The following FBF1 variants were observed in gnomAD, a reference collection of about 807,000 sequenced individuals.
FBF1 encodes the protein fas-binding factor 1.
FBF1 carries 119 observed loss-of-function variants against 147.2 expected under a neutral mutation model. The observed-to-expected ratio is 0.81, with a 90% CI of 0.70 to 0.94. The LOEUF (loss-of-function observed/expected upper bound fraction) is 0.94, where lower values mean the gene tolerates loss of function less well. FBF1 is among the 40% of genes least tolerant of loss of function. The pLI, the probability that FBF1 is intolerant of heterozygous loss-of-function variation, is 0.00. For missense variants in FBF1, 1,449 were observed against 1,500.8 expected, an observed-to-expected ratio of 0.97 and a Z score of 0.57; for synonymous variants, 601 against 609.0, an observed-to-expected ratio of 0.99 and a Z score of 0.19.
At chr17:75,929,943 T>C (rs2144186306) in intron 7 of FBF1, 54 bp downstream of exon 7, 1 of 701,286 alleles carries the variant, frequency 1.4e-6, no homozygotes, top group East Asian at 2.7e-5. Context: ...CAAAATATCA[T>C]GACCCCACCC....
chr17:75,917,170 G>T (rs550291142), intron 23 of FBF1, among the ~76,000 whole-genome samples: 1 of 152,128 alleles, frequency 6.6e-6, no homozygotes, highest in East Asian at 1.9e-4. Context: ...TTATGGTCTC[G>T]CTAGGCTGGT....
intron 1 of FBF1, among the ~76,000 whole-genome samples, chr17:75,940,274 G>C (rs540430797): frequency 6.7e-6 from 1 of 148,924 alleles, no homozygotes; most frequent in Non-Finnish European, 1.5e-5. Flanking sequence ...ACAGGGTCTC[G>C]CTCTGTTGCC....
At position 75,926,012 on chromosome 17, in the gene FBF1, C is replaced by T. The variant is rs183332525; in HGVS notation, c.868+18G>A. 3.7e-4 allele frequency: 581 copies of T among 1,591,310 alleles called. 1 individual carries two copies. The East Asian group carries it at 0.01, about 28-fold the overall frequency. On this transcript the variant is annotated intron_variant, in intron 12 of 29. Transcript: ENST00000636174. ...GGCCTCCCTCCCGTCCTGTTGCGGC[C>T]CCCGCAAGCCTCCTTACCCTGTGGC...
rs1283929341 is a variant in FBF1, at chr17:75,926,887, G to A, written c.476-10C>T. ...AATGGGTCTTCCAAGTCTCACAGCA[G>A]AAGGGAAAGCACAGGTCAGACTGCA... is the stretch of plus-strand genomic sequence containing the variant. On this transcript the variant is annotated splice_polypyrimidine_tract_variant and intron_variant, in intron 9 of 29. Transcript: ENST00000636174. 1.9e-6 allele frequency: 3 copies of A among 1,607,294 alleles called. No individual in the cohort carries two copies. The highest frequency in any genetic ancestry group is 2.5e-6 in the Non-Finnish European group (3 of 1,176,722).
chr17:75,930,140 G>A (rs2065585793), intron 6 of FBF1, 93 bp from the exon 7 acceptor site: 1 of 972,486 alleles, frequency 1.0e-6, no homozygotes, highest in Non-Finnish European at 1.6e-6. Context: ...CTTCTGTTAG[G>A]GCAGACGGCG....
intron 25 of FBF1, 180 bp from the exon 26 acceptor site, chr17:75,914,478 G>T: frequency 1.0e-6 from 1 of 992,146 alleles, no homozygotes; most frequent in Non-Finnish European, 1.4e-6. Flanking sequence ...CAAGCCACGT[G>T]ACTGTGGCAG....
chr17:75,913,889 C>T (rs944498850), intron 27 of FBF1, 24 bp downstream of exon 27: 1 of 1,550,034 alleles, frequency 6.5e-7, no homozygotes, highest in Non-Finnish European at 8.7e-7. Flanking sequence ...GGGGCAGGGG[C>T]GCCATACACT....
At chr17:75,938,054 G>A (rs1446046430) in intron 2 of FBF1, 93 bp downstream of exon 2, 2 of 1,564,692 alleles carry the variant, frequency 1.3e-6, no homozygotes, top group Non-Finnish European at 8.7e-7. Flanking sequence ...TTGCCGCCCA[G>A]CCCCCAGAGT....
chr17:75,932,930 G>T, intron 5 of FBF1, 65 bp downstream of exon 5: 2 of 1,092,350 alleles, frequency 1.8e-6, no homozygotes, highest in Non-Finnish European at 1.3e-6. Context: ...AAAGTGGGGG[G>T]TGGAGGGGCA....
chr17:75,925,947 T>G lies in FBF1; in HGVS notation c.868+83A>C. The G allele has an allele frequency of 2.0e-6, 3 of 1,480,170 alleles. No individual in the cohort carries two copies. The highest frequency in any genetic ancestry group is 2.7e-6 in the Non-Finnish European group (3 of 1,112,616). 91.7% of individuals were successfully genotyped at this position (1,480,170 alleles called of 1,614,324 possible). A position where few individuals can be genotyped will look rare whatever the true frequency, so the allele number is the denominator to read the frequency against. On this transcript the variant is annotated intron_variant, in intron 12 of 29. Transcript: ENST00000636174. The surrounding 1 kb of genome is among the most constrained non-coding windows in gnomAD (Gnocchi z 5.0). ...ACATGTGTGTATCAGGATGTGAGGC[T>G]GATTTCTCATTATAGGTTGTGATGA...
At position 75,919,561 on chromosome 17, in the gene FBF1, C is replaced by A; in HGVS notation, c.2138+107G>T. 2.3e-6 allele frequency: 3 copies of A among 1,293,692 alleles called. No individual in the cohort carries two copies. The highest frequency in any genetic ancestry group is 1.5e-5 in the African/African-American group (1 of 68,686). 80.1% of individuals were successfully genotyped at this position (1,293,692 alleles called of 1,614,324 possible). On this transcript the variant is annotated intron_variant, in intron 20 of 29. Coordinates refer to ENST00000636174, the MANE Select transcript of FBF1 (RefSeq NM_001319193.2). The surrounding 1 kb of genome is among the most constrained non-coding windows in gnomAD (Gnocchi z 5.0). The stretch of plus-strand genomic sequence containing the variant: ...ACTGGACTGGGAGGGAAGGACCCAA[C>A]CCCTGTCCAAAGGCTGCTGAGCCAC...
intron 7 of FBF1, 33 bp downstream of exon 7, chr17:75,929,964 C>CCCCACAA: frequency 7.1e-7 from 1 of 1,402,202 alleles, no homozygotes; most frequent in Non-Finnish European, 9.9e-7. Flanking sequence ...CACCCACCCC[C>CCCCACAA]AGTTCTAAGA....
chr17:75,909,593 T>C lies in FBF1; in HGVS notation c.*1130A>G. On this transcript the variant is annotated 3_prime_UTR_variant, in exon 30 of 30. Coordinates refer to ENST00000636174, the MANE Select transcript of FBF1 (RefSeq NM_001319193.2). ...ACTCACTGTCATTTCAGGCAGGTTA[T>C]TTAATCTCCCCGGGCCTCAGTTTCT... The C allele has an allele frequency of 2.1e-6, 1 of 480,808 alleles. No homozygotes were observed. Among genetic ancestry groups the C allele is most frequent in the Non-Finnish European group, 3.7e-6 (1 of 271,168 alleles). The allele number at this position is 480,808 out of a possible 1,614,324, so 29.8% of individuals were successfully genotyped here.
At position 75,931,307 on chromosome 17, in the gene FBF1, C is replaced by A; in HGVS notation, c.168-18G>T. The A allele has an allele frequency of 6.4e-7, 1 of 1,573,638 alleles. No individual in the cohort carries two copies. Among genetic ancestry groups the A allele is most frequent in the Admixed American group, 1.9e-5 (1 of 53,796 alleles). The stretch of plus-strand genomic sequence containing the variant: ...GGAGGGACCTGCAAAGGGGAGGCGT[C>A]AGCCCCTACCTGCATCCCAGGGCAC... On this transcript the variant is annotated intron_variant, in intron 5 of 29. Coordinates refer to ENST00000636174, the MANE Select transcript of FBF1 (RefSeq NM_001319193.2).
chr17:75,931,272 T>C lies in FBF1; in HGVS notation c.185A>G (p.Asp62Gly). 6.3e-7 allele frequency: 1 copy of C among 1,584,342 alleles called. No homozygotes were observed. Among genetic ancestry groups the C allele is most frequent in the Non-Finnish European group, 8.6e-7 (1 of 1,165,420 alleles). ...KARTKSLLGD[D>G]VFSTMAGLEE... The stretch of plus-strand genomic sequence containing the variant: ...CAGGCCTGCCATGGTGCTGAAGACA[T>C]CATCACCCAGGAGGGACCTGCAAAG... The change falls in exon 6 of 30, where the codon GAT (aspartate) becomes GGT (glycine). Residue 62 changes from aspartate to glycine, a missense_variant. Physicochemically the swap from Asp to Gly is moderately conservative, Grantham distance 94. Transcript: ENST00000636174.
intron 6 of FBF1, 56 bp downstream of exon 6, chr17:75,931,173 C>T: frequency 1.2e-5 from 18 of 1,536,162 alleles, no homozygotes; most frequent in Non-Finnish European, 1.6e-5. Flanking sequence ...GCCACAACAC[C>T]CATCTCAGTG....
In FBF1 at chr17:75,919,616, T is replaced by G. The variant is rs1327808933; in HGVS notation, c.2138+52A>C. On this transcript the variant is annotated intron_variant, in intron 20 of 29. Coordinates refer to ENST00000636174, the MANE Select transcript of FBF1 (RefSeq NM_001319193.2). The surrounding 1 kb of genome is among the most constrained non-coding windows in gnomAD (Gnocchi z 5.0). Reference sequence around the variant, plus strand: ...AAGGGTCTCGTGGGGATGGCTCTCTTCCGGCTACTCCTTGCAAGCCTGCTC... The same window carrying G: ...AAGGGTCTCGTGGGGATGGCTCTCTGCCGGCTACTCCTTGCAAGCCTGCTC... The G allele has an allele frequency of 9.7e-6, 15 of 1,541,692 alleles. No homozygotes were observed. Among genetic ancestry groups the G allele is most frequent in the Non-Finnish European group, 2.6e-6 (3 of 1,144,786 alleles).
rs56272719 is a variant in FBF1 at position 75,939,295 on chromosome 17, CA to C, written c.-83-1064del. 5.6e-3 allele frequency among the ~76,000 whole-genome samples: 464 copies of C among 83,004 alleles called. 4 individuals carry two copies. The highest frequency in any genetic ancestry group is 0.054 in the East Asian group (129 of 2,392). 54.5% of individuals were successfully genotyped at this position (83,004 alleles called of 152,430 possible). ...TGGGCAACATGCGAGACTCTGTCTC[CA>C]AAAAAAAAAAAAAAAAAAAAACGTG... is the stretch of plus-strand genomic sequence containing the variant. On this transcript the variant is annotated intron_variant, in intron 1 of 29. Transcript: ENST00000636174.
intron 7 of FBF1, among the ~76,000 whole-genome samples, chr17:75,929,759 C>T (rs979117146): frequency 6.6e-6 from 1 of 152,086 alleles, no homozygotes; most frequent in African/African-American, 2.4e-5. Context: ...GAGCTGGCCC[C>T]GTTTCCCCAG....
Sources: gnomAD v4.1 joint callset for allele counts (sites outside exome capture counted in the v4.1 genomes callset) on GRCh38, gnomAD v4.1.1 for gene constraint, Gnocchi (gnomAD v3.1) non-coding constraint, MANE v1.5 for transcripts, NCBI Gene and HGNC (gene_info 2026-07-23, HGNC 2026-07-21) for gene names.